Variants in TRABD2B observed in about 807,000 individuals in gnomAD.
TRABD2B encodes the protein TraB domain containing 2B.
In TRABD2B, 14 loss-of-function variants were observed where a neutral mutation model predicts 40.1. The observed-to-expected ratio is 0.35, with a 90% CI of 0.23 to 0.55. TRABD2B has a LOEUF of 0.55. TRABD2B is among the 20% of genes least tolerant of loss of function. The pLI, the probability that TRABD2B is intolerant of heterozygous loss-of-function variation, is 0.90. For missense variants in TRABD2B, 541 were observed against 648.6 expected (o/e 0.83, Z 1.80); for synonymous variants, 263 against 277.0 (o/e 0.95, Z 0.50).
At chr1:47,836,619 T>C (rs1645321757) in intron 2 of TRABD2B, among the ~76,000 whole-genome samples, 1 of 152,266 alleles carries the variant, frequency 6.6e-6, no homozygotes, top group Admixed American at 6.5e-5. Context: ...AAGAGGGCAG[T>C]GATGCCTTCA....
At chr1:47,812,976 C>T (rs1269308036) in intron 2 of TRABD2B, among the ~76,000 whole-genome samples, 1 of 152,100 alleles carries the variant, frequency 6.6e-6, no homozygotes, top group East Asian at 1.9e-4. Context: ...GACTGAGGCC[C>T]ATGGAGGGAT....
chr1:47,789,505 C>CATGGGAGGA (rs1332814919), intron 4 of TRABD2B, among the ~76,000 whole-genome samples: 1 of 152,148 alleles, frequency 6.6e-6, no homozygotes, highest in East Asian at 1.9e-4. Flanking sequence ...CATAATGGCC[C>CATGGGAGGA]ATGGGAGGAA....
chr1:47,924,563 T>C (rs558710722), intron 2 of TRABD2B, among the ~76,000 whole-genome samples: 2 of 152,298 alleles, frequency 1.3e-5, no homozygotes, highest in South Asian at 2.1e-4. Context: ...TTCTGTCCCC[T>C]GTCTAGTTCC....
At chr1:47,902,679 G>A (rs544649810) in intron 2 of TRABD2B, among the ~76,000 whole-genome samples, 28 of 151,902 alleles carry the variant, frequency 1.8e-4, no homozygotes, top group Admixed American at 4.0e-4. Context: ...TATAGAGTCG[G>A]GGTCTTACCA....
intron 2 of TRABD2B, among the ~76,000 whole-genome samples, chr1:47,900,751 C>A (rs570127005): frequency 4.5e-4 from 69 of 152,288 alleles, no homozygotes; most frequent in Non-Finnish European, 8.4e-4. Context: ...CTGTGCCTCA[C>A]CTGATGCCAA....
intron 2 of TRABD2B, among the ~76,000 whole-genome samples, chr1:47,836,093 A>T (rs1480356866): frequency 5.3e-5 from 8 of 152,344 alleles, no homozygotes; most frequent in Non-Finnish European, 8.8e-5. Flanking sequence ...TTAAGTTGAT[A>T]TTAATATGAA....
At chr1:47,821,813 C>G (rs1645114411) in intron 2 of TRABD2B, among the ~76,000 whole-genome samples, 1 of 152,174 alleles carries the variant, frequency 6.6e-6, no homozygotes, top group Non-Finnish European at 1.5e-5. Context: ...CAACCCTGGT[C>G]ACCCTCTTTG....
chr1:47,831,137 T>G (rs1645242618), intron 2 of TRABD2B, among the ~76,000 whole-genome samples: 1 of 152,038 alleles, frequency 6.6e-6, no homozygotes, highest in Non-Finnish European at 1.5e-5. Flanking sequence ...TCCCCATGGC[T>G]GGGGGGTGCC....
intron 2 of TRABD2B, among the ~76,000 whole-genome samples, chr1:47,969,914 G>A (rs989888382): frequency 2.0e-5 from 3 of 151,960 alleles, no homozygotes; most frequent in Non-Finnish European, 2.9e-5. Flanking sequence ...TCCAGTGTCC[G>A]ACTTCACCTC....
chr1:47,972,589 C>A (rs190817455), intron 2 of TRABD2B, among the ~76,000 whole-genome samples: 1 of 152,158 alleles, frequency 6.6e-6, no homozygotes, highest in African/African-American at 2.4e-5. Flanking sequence ...TGAAAGAAGA[C>A]CCTTACCAGA....
At chr1:47,896,693 C>T (rs1215297616) in intron 2 of TRABD2B, among the ~76,000 whole-genome samples, 4 of 152,204 alleles carry the variant, frequency 2.6e-5, no homozygotes, top group Non-Finnish European at 4.4e-5. Context: ...GTACCTCTAC[C>T]TCTCGGCCTG....
chr1:47,974,888 A>G (rs1029858798), intron 2 of TRABD2B, among the ~76,000 whole-genome samples: 1 of 152,240 alleles, frequency 6.6e-6, no homozygotes, highest in Non-Finnish European at 1.5e-5. Flanking sequence ...TGAGGAGAAT[A>G]GCACTTTGCC....
chr1:47,929,040 A>G (rs1204115965), intron 2 of TRABD2B, among the ~76,000 whole-genome samples: 1 of 152,256 alleles, frequency 6.6e-6, no homozygotes, highest in African/African-American at 2.4e-5. Context: ...CAAGGCCTTT[A>G]CACATGCTGT....
chr1:47,856,769 C>T (rs1177224555), intron 2 of TRABD2B, among the ~76,000 whole-genome samples: 1 of 152,230 alleles, frequency 6.6e-6, no homozygotes, highest in African/African-American at 2.4e-5. Flanking sequence ...ATTACTCCCA[C>T]AAACTCTTTT....
chr1:47,815,487 C>T (rs1285946882), intron 2 of TRABD2B, among the ~76,000 whole-genome samples: 2 of 152,178 alleles, frequency 1.3e-5, no homozygotes, highest in East Asian at 3.9e-4. Context: ...CAGGCTCATG[C>T]AGGCATTCCA....
chr1:47,772,006 C>T (rs1054543692), intron 6 of TRABD2B, among the ~76,000 whole-genome samples: 2 of 152,104 alleles, frequency 1.3e-5, no homozygotes, highest in African/African-American at 4.8e-5. Context: ...TGAGTGAGGA[C>T]TCGCAGTCTG....
intron 2 of TRABD2B, among the ~76,000 whole-genome samples, chr1:47,923,945 C>G (rs897430887): frequency 6.6e-6 from 1 of 151,340 alleles, no homozygotes; most frequent in Non-Finnish European, 1.5e-5. Context: ...CACACACACA[C>G]ACACACACAC....
intron 2 of TRABD2B, among the ~76,000 whole-genome samples, chr1:47,835,798 C>T (rs1173331021): frequency 6.6e-6 from 1 of 152,144 alleles, no homozygotes; most frequent in African/African-American, 2.4e-5. Flanking sequence ...TGAAAGGACA[C>T]TAGACAGCGA....
At chr1:47,783,605 A>G (rs1644555433) in intron 4 of TRABD2B, among the ~76,000 whole-genome samples, 1 of 152,246 alleles carries the variant, frequency 6.6e-6, no homozygotes, top group Non-Finnish European at 1.5e-5. Flanking sequence ...GAGAGAAGCC[A>G]GGGTCCCACA....
Sources: gnomAD v4.1 joint callset for allele counts (sites outside exome capture counted in the v4.1 genomes callset) on GRCh38, gnomAD v4.1.1 for gene constraint, MANE v1.5 for transcripts, NCBI Gene and HGNC (gene_info 2026-07-23, HGNC 2026-07-21) for gene names.